Variants in RCN1 observed in about 807,000 individuals in gnomAD.
The protein encoded by RCN1 is reticulocalbin 1, also known as reticulocalbin-1.
A neutral mutation model predicts 34.7 loss-of-function variants in RCN1; 14 were observed. The ratio of observed to expected loss-of-function variants is 0.40; its 90% CI spans 0.27 to 0.63. The LOEUF (loss-of-function observed/expected upper bound fraction) is 0.63, where lower values mean the gene tolerates loss of function less well. Among genes scored for constraint, RCN1 ranks in the 30% least tolerant of loss-of-function variants. The pLI, the probability that RCN1 is intolerant of heterozygous loss-of-function variation, is 0.37. For synonymous variants in RCN1, 125 were observed against 165.5 expected, an observed-to-expected ratio of 0.76 and a Z score of 1.88; for missense variants, 326 against 425.1, an observed-to-expected ratio of 0.77 and a Z score of 2.05.
At chr11:32,100,866 CTG>C (rs1852029755) in intron 4 of RCN1, among the ~76,000 whole-genome samples, 1 of 152,194 alleles carries the variant, frequency 6.6e-6, no homozygotes, top group South Asian at 2.1e-4. Context: ...CCCCATGACT[CTG>C]AGAGGTGCCC....
chr11:32,097,475 C>T (rs1851986518), intron 2 of RCN1, 138 bp downstream of exon 2: 1 of 514,194 alleles, frequency 1.9e-6, no homozygotes, highest in Non-Finnish European at 3.2e-6. Flanking sequence ...TGTATAACAC[C>T]CTCCTCTGTA....
chr11:32,096,961 T>C, intron 1 of RCN1, 183 bp from the exon 2 acceptor site: 1 of 551,146 alleles, frequency 1.8e-6, no homozygotes, highest in Non-Finnish European at 3.1e-6. Context: ...ACATCAACCT[T>C]GGAAGGATAA....
At chr11:32,102,702 C>T (rs1267982155) in intron 4 of RCN1, 2 of 256,258 alleles carry the variant, frequency 7.8e-6, no homozygotes, top group Non-Finnish European at 1.5e-5. Context: ...TGACCATGTT[C>T]CTGTGCAGCC....
chr11:32,097,726 T>C (rs937340940), intron 2 of RCN1, among the ~76,000 whole-genome samples: 3 of 152,092 alleles, frequency 2.0e-5, no homozygotes, highest in African/African-American at 7.2e-5. Context: ...CTGGTGTGGG[T>C]GGTTTGGAAA....
At chr11:32,103,917 T>C (rs1852077638) in intron 5 of RCN1, among the ~76,000 whole-genome samples, 1 of 152,238 alleles carries the variant, frequency 6.6e-6, no homozygotes, top group Admixed American at 6.5e-5. Context: ...CTTTAATGCC[T>C]AGTACTTCGG....
chr11:32,100,444 C>T, intron 3 of RCN1, 104 bp from the exon 4 acceptor site: 1 of 912,852 alleles, frequency 1.1e-6, no homozygotes, highest in Non-Finnish European at 1.8e-6. Flanking sequence ...CCAGAAGTCA[C>T]CAAGCATTCA....
At chr11:32,094,623 A>G (rs1312381067) in intron 1 of RCN1, among the ~76,000 whole-genome samples, 3 of 152,226 alleles carry the variant, frequency 2.0e-5, no homozygotes, top group African/African-American at 7.2e-5. Flanking sequence ...TCATGCAACA[A>G]ACACCCGAAT....
Position 32,091,276 on chromosome 11 carries a change from T to G in RCN1, c.80T>G (p.Leu27Arg), listed in dbSNP as rs1332452324. Reference protein sequence around the residue: ...LLALVLAPRVLRAKPTVRKER... With the variant: ...LLALVLAPRVRRAKPTVRKER... ...GCGCTGGTGCTGGCGCCGCGGGTTC[T>G]GCGGGCCAAGCCCACGGTGCGCAAA... The change falls in exon 1 of 6, where the codon CTG becomes CGG. Residue 27 changes from leucine (L) to arginine (R), a missense_variant. Coordinates refer to ENST00000054950, the MANE Select transcript of RCN1 (RefSeq NM_002901.4). The G allele has an allele frequency of 6.5e-7, 1 of 1,539,984 alleles. No individual in the cohort carries two copies. The highest frequency in any genetic ancestry group is 2.0e-5 in the Admixed American group (1 of 50,462).
Position 32,104,683 on chromosome 11 carries a change from A to G in RCN1, c.*211A>G, listed in dbSNP as rs1590221172. 2.1e-6 allele frequency: 1 copy of G among 476,986 alleles called. No individual in the cohort carries two copies. Among genetic ancestry groups the G allele is most frequent in the African/African-American group, 2.0e-5 (1 of 51,236 alleles). 29.5% of individuals were successfully genotyped at this position (476,986 alleles called of 1,614,324 possible). On this transcript the variant is annotated 3_prime_UTR_variant, in exon 6 of 6. Transcript: ENST00000054950. The stretch of plus-strand genomic sequence containing the variant: ...AAGATTTCTCTCAAAACACGTGAAA[A>G]CCTTGGTAAATTGCAATTCTTTCTG...
At chr11:32,102,336 C>G (rs72904106) in intron 4 of RCN1, 2 of 152,104 alleles carry the variant, frequency 1.3e-5, no homozygotes, top group South Asian at 4.1e-4. Flanking sequence ...TATTACAACT[C>G]TTTCTCAAAA....
chr11:32,097,867 A>G (rs223068), intron 2 of RCN1, among the ~76,000 whole-genome samples: 21,585 of 152,142 alleles, frequency 0.14, 1,621 homozygotes, highest in East Asian at 0.29. Flanking sequence ...GGAAGGAGAA[A>G]TGAGATTACA....
intron 1 of RCN1, among the ~76,000 whole-genome samples, chr11:32,095,825 G>A (rs1851967885): frequency 6.6e-6 from 1 of 152,198 alleles, no homozygotes; most frequent in Admixed American, 6.5e-5. Flanking sequence ...TGAAGCACTG[G>A]GATCACAGAT....
intron 1 of RCN1, 29 bp from the exon 2 acceptor site, chr11:32,097,115 G>C: frequency 7.5e-7 from 1 of 1,330,662 alleles, no homozygotes; most frequent in Non-Finnish European, 1.0e-6. Flanking sequence ...CTGTGTGTGG[G>C]TTTCTTTTTT....
At chr11:32,095,875 A>G (rs963962470) in intron 1 of RCN1, among the ~76,000 whole-genome samples, 1 of 152,142 alleles carries the variant, frequency 6.6e-6, no homozygotes, top group African/African-American at 2.4e-5. Flanking sequence ...TAAACTTGCA[A>G]ATGAAGGGGT....
intron 1 of RCN1, 59 bp from the exon 2 acceptor site, chr11:32,097,085 A>T (rs1224400534): frequency 2.5e-5 from 34 of 1,357,080 alleles, no homozygotes; most frequent in Non-Finnish European, 3.3e-5. Flanking sequence ...ACAAGCCTTG[A>T]TAATATAACA....
chr11:32,103,462 T>G lies in RCN1; in HGVS notation c.870T>G (p.Tyr290Ter). The G allele has an allele frequency of 6.2e-7, 1 of 1,613,758 alleles. No individual in the cohort carries two copies. ...AGGCTGAGGCCAGGCATCTGGTATA[T>G]GAATCAGACAAAAACAAGGTATTTC... ...HAQAEARHLV[Y>*]ESDKNKDEKL... is the part of the protein sequence containing the mutation. The change falls in exon 5 of 6, where the codon TAT (tyrosine) becomes TAG (stop). Residue 290 changes from tyrosine (Y) to a stop codon, truncating the protein, a stop_gained. Transcript: ENST00000054950. LOFTEE classifies it high-confidence loss of function.
In RCN1 at chr11:32,103,308, G is replaced by A. The variant is rs755987948; in HGVS notation, c.716G>A (p.Gly239Asp). 9 of 1,613,844 alleles carry A rather than the reference G, an allele frequency of 5.6e-6. No homozygotes were observed. Among genetic ancestry groups the A allele is most frequent in the Non-Finnish European group, 7.6e-6 (9 of 1,179,858 alleles). ...IADMFSHEEN[G>D]PEPDWVLSER... ...GATATGTTTTCCCATGAGGAGAATG[G>A]CCCTGAGCCAGACTGGGTTTTATCA... is the stretch of plus-strand genomic sequence containing the variant. The change falls in exon 5 of 6, where the codon GGC (glycine) becomes GAC (aspartate). Residue 239 changes from glycine to aspartate, a missense_variant. Coordinates refer to ENST00000054950, the MANE Select transcript of RCN1 (RefSeq NM_002901.4).
At chr11:32,099,822 A>C (rs190542234) in intron 3 of RCN1, among the ~76,000 whole-genome samples, 1 of 152,298 alleles carries the variant, frequency 6.6e-6, no homozygotes. Flanking sequence ...AGTGGCTCCA[A>C]GAATCATTTC....
rs1852083624 is a variant in RCN1 at position 32,104,392 on chromosome 11, T to C, written c.916T>C (p.Leu306=). The change falls in exon 6 of 6, where the codon TTG becomes CTG. Residue 306 remains leucine, a synonymous_variant. Coordinates refer to ENST00000054950, the MANE Select transcript of RCN1 (RefSeq NM_002901.4). ...KDEKLTKEEI[L]ENWNMFVGSQ... is the part of the protein sequence containing the mutation. The stretch of plus-strand genomic sequence containing the variant: ...TGAGAAGCTAACTAAAGAGGAAATA[T>C]TGGAGAACTGGAACATGTTTGTCGG... The C allele has an allele frequency of 1.3e-6, 2 of 1,577,400 alleles. No homozygotes were observed. Among genetic ancestry groups the C allele is most frequent in the African/African-American group, 1.3e-5 (1 of 74,620 alleles).
Sources: gnomAD v4.1 joint callset for allele counts (sites outside exome capture counted in the v4.1 genomes callset) on GRCh38, gnomAD v4.1.1 for gene constraint, MANE v1.5 for transcripts, NCBI Gene and HGNC (gene_info 2026-07-23, HGNC 2026-07-21) for gene names.